ACAD11: variants seen among roughly 807,000 people sequenced by gnomAD.
ACAD11 encodes the protein acyl-Coenzyme A dehydrogenase family, member 11.
Under a neutral mutation model 102.2 loss-of-function variants are expected in ACAD11, and 83 were observed. The observed-to-expected ratio is 0.81, with a 90% CI of 0.68 to 0.97. ACAD11 has a LOEUF of 0.97. Among genes scored for constraint, ACAD11 ranks in the 50% least tolerant of loss-of-function variants. The pLI is 0.00. For missense variants in ACAD11, 901 were observed against 951.7 expected, an observed-to-expected ratio of 0.95 and a Z score of 0.70; for synonymous variants, 324 against 319.8, an observed-to-expected ratio of 1.01 and a Z score of -0.14.
At chr3:132,567,114 G>T (rs1937235731) in intron 17 of ACAD11, among the ~76,000 whole-genome samples, 1 of 151,940 alleles carries the variant, frequency 6.6e-6, no homozygotes, top group Non-Finnish European at 1.5e-5. Context: ...GAATAGCTGG[G>T]GTTACAGGCA....
At chr3:132,654,933 T>C (rs981099990) in intron 1 of ACAD11, among the ~76,000 whole-genome samples, 2 of 152,240 alleles carry the variant, frequency 1.3e-5, no homozygotes, top group African/African-American at 2.4e-5. Context: ...AGCTCTGTGG[T>C]ACAGCCTGCT....
chr3:132,575,168 A>G (rs1481649899), intron 17 of ACAD11, among the ~76,000 whole-genome samples: 1 of 152,066 alleles, frequency 6.6e-6, no homozygotes, highest in Non-Finnish European at 1.5e-5. Flanking sequence ...TTTTTATTAT[A>G]TGGGCCACAT....
rs1031776197 is a variant in ACAD11 at position 132,603,102 on chromosome 3, C to T, written c.1621+127G>A. 33 of 840,448 alleles carry T rather than the reference C, an allele frequency of 3.9e-5. No individual in the cohort carries two copies. The African/African-American group carries it at 4.3e-4, about 11-fold the overall frequency. 52.1% of individuals were successfully genotyped at this position (840,448 alleles called of 1,614,324 possible). A position where few individuals can be genotyped will look rare whatever the true frequency, so the allele number is the denominator to read the frequency against. On this transcript the variant is annotated intron_variant, in intron 13 of 19. Coordinates refer to ENST00000264990, the MANE Select transcript of ACAD11 (RefSeq NM_032169.5). ...ACAGGTGTTAGCCACCGCACCTGGC[C>T]TACACATGCAGAATTTAAAGAATTA...
chr3:132,615,950 G>A (rs1002989160), intron 11 of ACAD11, among the ~76,000 whole-genome samples: 9 of 152,128 alleles, frequency 5.9e-5, no homozygotes, highest in Non-Finnish European at 2.9e-5. Flanking sequence ...GACTACATAT[G>A]TTTCCCATAT....
chr3:132,620,775 G>A (rs1206497343), intron 9 of ACAD11, among the ~76,000 whole-genome samples: 7 of 152,162 alleles, frequency 4.6e-5, no homozygotes. Context: ...AAATTTTGGT[G>A]GCTCTCAGAA....
chr3:132,657,866 CTTTTTTTTTT>C (rs56190801), intron 1 of ACAD11, among the ~76,000 whole-genome samples: 5,531 of 119,240 alleles, frequency 0.046, 376 homozygotes, highest in African/African-American at 0.16. Flanking sequence ...ACACATATTC[CTTTTTTTTTT>C]TTTTTTTTTT....
Position 132,566,296 on chromosome 3 carries a change from CAAAAAAACA to C in ACAD11, c.2002-5088_2002-5080del, listed in dbSNP as rs950872400. ...CTAAACCAAAGAGAGAAAACAAACTCAAAAAAACAAAAAAAAAAAGAACAGCATCATAGG... is the reference window on the plus strand; with the variant it reads ...CTAAACCAAAGAGAGAAAACAAACTCAAAAAAAAAAGAACAGCATCATAGG... On this transcript the variant is annotated intron_variant, in intron 17 of 19. Coordinates refer to ENST00000264990, the MANE Select transcript of ACAD11 (RefSeq NM_032169.5). Among the ~76,000 whole-genome samples the C allele has an allele frequency of 4.8e-5, 3 of 61,894 alleles. No homozygotes were observed. The Admixed American group carries it at 5.3e-4, about 11-fold the overall frequency. 40.6% of individuals were successfully genotyped at this position (61,894 alleles called of 152,430 possible).
At chr3:132,659,451 C>G (rs373895795) in intron 1 of ACAD11, 152 bp downstream of exon 1, 4 of 1,078,092 alleles carry the variant, frequency 3.7e-6, no homozygotes, top group East Asian at 5.7e-5. Context: ...TTCGGAGGGC[C>G]GGCAATAGCA....
At chr3:132,640,723 A>G (rs1451013609) in intron 4 of ACAD11, among the ~76,000 whole-genome samples, 1 of 152,122 alleles carries the variant, frequency 6.6e-6, no homozygotes, top group African/African-American at 2.4e-5. Flanking sequence ...AATGGGAGTA[A>G]TAATACCTAT....
chr3:132,595,975 G>A (rs1938288767), intron 13 of ACAD11, among the ~76,000 whole-genome samples: 2 of 152,104 alleles, frequency 1.3e-5, no homozygotes, highest in Non-Finnish European at 2.9e-5. Context: ...ACACATGCAT[G>A]CATATGTCCA....
At chr3:132,565,743 A>T (rs1576545024) in intron 17 of ACAD11, among the ~76,000 whole-genome samples, 1 of 152,228 alleles carries the variant, frequency 6.6e-6, no homozygotes, top group East Asian at 1.9e-4. Flanking sequence ...ATGAGTTCAC[A>T]TGAGATCTGA....
chr3:132,622,361 T>C (rs1239695395), intron 9 of ACAD11, among the ~76,000 whole-genome samples: 1 of 152,206 alleles, frequency 6.6e-6, no homozygotes, highest in South Asian at 2.1e-4. Flanking sequence ...GTCCGTTAAA[T>C]TGGAAGATTT....
chr3:132,633,256 C>T (rs1259478838), intron 5 of ACAD11, among the ~76,000 whole-genome samples: 1 of 152,104 alleles, frequency 6.6e-6, no homozygotes, highest in Non-Finnish European at 1.5e-5. Context: ...CCATCGATAC[C>T]TAATTTATTG....
intron 2 of ACAD11, among the ~76,000 whole-genome samples, chr3:132,643,858 C>T (rs1940617584): frequency 6.6e-6 from 1 of 152,078 alleles, no homozygotes; most frequent in Admixed American, 6.5e-5. Flanking sequence ...ACTCCAGATC[C>T]TTGGCAGCTG....
At chr3:132,624,962 G>T (rs1336766774) in intron 9 of ACAD11, among the ~76,000 whole-genome samples, 1 of 152,188 alleles carries the variant, frequency 6.6e-6, no homozygotes, top group Non-Finnish European at 1.5e-5. Flanking sequence ...CGGGATTACA[G>T]GCTTGAGCCA....
At chr3:132,642,241 T>C in intron 3 of ACAD11, 108 bp from the exon 4 acceptor site, 1 of 1,043,346 alleles carries the variant, frequency 9.6e-7, no homozygotes, top group Non-Finnish European at 1.4e-6. Context: ...AGAGTATACA[T>C]GCCAAAGGGA....
chr3:132,618,878 C>T, intron 10 of ACAD11, 106 bp from the exon 11 acceptor site: 1 of 1,140,324 alleles, frequency 8.8e-7, no homozygotes, highest in South Asian at 2.7e-5. Flanking sequence ...AATTTAAAAA[C>T]ACTTATGGAG....
chr3:132,650,539 T>C (rs1940892211), intron 1 of ACAD11, among the ~76,000 whole-genome samples: 1 of 152,220 alleles, frequency 6.6e-6, no homozygotes. Flanking sequence ...TCATATATTA[T>C]TAGACATTTT....
At chr3:132,579,380 AT>A in intron 14 of ACAD11, 111 bp downstream of exon 14, 1 of 880,144 alleles carries the variant, frequency 1.1e-6, no homozygotes, top group Non-Finnish European at 1.8e-6. Flanking sequence ...TTACTCTCAT[AT>A]CTTACATTAT....
Sources: allele counts gnomAD v4.1 joint callset (sites outside exome capture counted in the v4.1 genomes callset), GRCh38; gene constraint gnomAD v4.1.1; transcripts MANE v1.5; gene names NCBI Gene and HGNC (gene_info 2026-07-23, HGNC 2026-07-21).